SLCO1B3: variants seen among roughly 807,000 people sequenced by gnomAD.
SLCO1B3 encodes solute carrier organic anion transporter family member 1B3, also known as liver-specific organic anion transporter 2.
In SLCO1B3, 72 loss-of-function variants were observed where a neutral mutation model predicts 71.8. That is an observed-to-expected ratio of 1.00 (90% CI 0.83 to 1.22). The LOEUF is 1.22. SLCO1B3 is among the 50% of genes most tolerant of loss of function. The pLI, the probability that SLCO1B3 is intolerant of heterozygous loss-of-function variation, is 0.00. For missense variants in SLCO1B3, 911 were observed against 819.7 expected (o/e 1.11, Z -1.36); for synonymous variants, 298 against 278.4 (o/e 1.07, Z -0.70).
intron 8 of SLCO1B3, among the ~76,000 whole-genome samples, chr12:20,865,044 C>T (rs1023560797): frequency 6.6e-6 from 1 of 151,968 alleles, no homozygotes; most frequent in East Asian, 1.9e-4. Flanking sequence ...ATCCAGGAAC[C>T]AAGATTTTAA....
chr12:20,909,741 C>T (rs568948826), intron 15 of SLCO1B3, among the ~76,000 whole-genome samples: 10 of 152,176 alleles, frequency 6.6e-5, no homozygotes, highest in Admixed American at 2.0e-4. Flanking sequence ...AAATGGATCT[C>T]GCTCTGTTGC....
At chr12:20,824,409 T>C (rs1864380477) in intron 3 of SLCO1B3, among the ~76,000 whole-genome samples, 1 of 152,154 alleles carries the variant, frequency 6.6e-6, no homozygotes, top group African/African-American at 2.4e-5. Context: ...TCTAAATTTA[T>C]CAAAAACTTA....
At chr12:20,897,983 G>A (rs1002314644) in intron 13 of SLCO1B3, among the ~76,000 whole-genome samples, 12 of 152,050 alleles carry the variant, frequency 7.9e-5, no homozygotes, top group Admixed American at 3.3e-4. Context: ...TATAATTTAC[G>A]AATCATATTA....
intron 6 of SLCO1B3, among the ~76,000 whole-genome samples, chr12:20,862,109 A>T (rs1377551441): frequency 6.6e-6 from 1 of 152,170 alleles, no homozygotes; most frequent in Admixed American, 6.5e-5. Flanking sequence ...CCTTAAAAAT[A>T]ACCTGGATTT....
intron 15 of SLCO1B3, chr12:20,901,760 T>C: frequency 3.1e-6 from 1 of 319,068 alleles, no homozygotes; most frequent in Non-Finnish European, 6.0e-6. Flanking sequence ...CTAGGATTTG[T>C]ACTTGAATCT....
At chr12:20,910,914 C>T (rs1866360682) in intron 15 of SLCO1B3, among the ~76,000 whole-genome samples, 1 of 151,660 alleles carries the variant, frequency 6.6e-6, no homozygotes. Flanking sequence ...TTATTCCTTC[C>T]TTTCAATCTG....
Position 20,890,756 on chromosome 12 carries a change from A to G in SLCO1B3, c.1682+7154A>G, listed in dbSNP as rs563117511. Among the ~76,000 whole-genome samples the G allele has an allele frequency of 3.6e-4, 55 of 152,246 alleles. 1 individual carries two copies. The South Asian group carries it at 0.011, about 31-fold the overall frequency. On this transcript the variant is annotated intron_variant, in intron 13 of 15. Coordinates refer to ENST00000381545, the MANE Select transcript of SLCO1B3 (RefSeq NM_019844.4). The stretch of plus-strand genomic sequence containing the variant: ...TATCTTCTTGTTTAATTGATCCTTT[A>G]TATGATAACCTTCTTTGTCATTATT...
intron 3 of SLCO1B3, among the ~76,000 whole-genome samples, chr12:20,823,103 A>T (rs930648244): frequency 6.6e-6 from 1 of 152,282 alleles, no homozygotes; most frequent in South Asian, 2.1e-4. Context: ...AGAGACAAAC[A>T]CACAGTAGAA....
At position 20,862,789 on chromosome 12, in the gene SLCO1B3, T is replaced by G; in HGVS notation, c.662T>G (p.Val221Gly). Residue 221 changes from valine to glycine, a missense_variant, in exon 8 of 16, where the codon GTC becomes GGC. By Grantham distance (109) the Val-to-Gly change is moderately radical. Transcript: ENST00000381545. Reference sequence around the variant, plus strand: ...AATGCAATAGGAATGATTGGTCCAGTCATTGGCTTTGCACTGGGATCTCTG... The same window carrying G: ...AATGCAATAGGAATGATTGGTCCAGGCATTGGCTTTGCACTGGGATCTCTG... ...SLNAIGMIGP[V>G]IGFALGSLFA... The G allele has an allele frequency of 6.2e-7, 1 of 1,612,024 alleles. No homozygotes were observed. The highest frequency in any genetic ancestry group is 8.5e-7 in the Non-Finnish European group (1 of 1,178,250).
intron 5 of SLCO1B3, chr12:20,858,830 A>T: frequency 5.0e-6 from 1 of 200,898 alleles, no homozygotes; most frequent in Non-Finnish European, 1.0e-5. Flanking sequence ...TATGAAATGA[A>T]TATCTTATTT....
At chr12:20,912,854 G>A (rs868455211) in intron 15 of SLCO1B3, among the ~76,000 whole-genome samples, 6 of 117,782 alleles carry the variant, frequency 5.1e-5, no homozygotes, top group Non-Finnish European at 9.5e-5. Context: ...TTGTAGAGAC[G>A]GGGTTTCACC....
intron 13 of SLCO1B3, among the ~76,000 whole-genome samples, chr12:20,887,698 T>TA (rs1317052198): frequency 6.7e-6 from 1 of 149,192 alleles, no homozygotes; most frequent in Non-Finnish European, 1.5e-5. Context: ...TTATTATTAT[T>TA]TTTTTTTTTA....
intron 8 of SLCO1B3, among the ~76,000 whole-genome samples, chr12:20,864,675 C>T (rs1049660610): frequency 5.9e-5 from 9 of 152,074 alleles, no homozygotes; most frequent in African/African-American, 1.7e-4. Context: ...AGTTTTGTAG[C>T]CTCTCTATTC....
chr12:20,901,465 T>C lies in SLCO1B3; in HGVS notation c.1863T>C (p.Phe621=), dbSNP rs748950766. Reference sequence around the variant, plus strand: ...GTAGGATATATAATTCCGTATTTTTTGGGTAAGTTGTCGTAAACACATTTC... The same window carrying C: ...GTAGGATATATAATTCCGTATTTTTCGGGTAAGTTGTCGTAAACACATTTC... ...GACRIYNSVF[F]GRVYLGLSIA... The change falls in exon 15 of 16, where the codon TTT becomes TTC. Residue 621 remains phenylalanine (F), a splice_region_variant and synonymous_variant. Coordinates refer to ENST00000381545, the MANE Select transcript of SLCO1B3 (RefSeq NM_019844.4). The C allele has an allele frequency of 1.3e-6, 2 of 1,502,644 alleles. No homozygotes were observed. Among genetic ancestry groups the C allele is most frequent in the African/African-American group, 2.8e-5 (2 of 70,828 alleles). 93.1% of individuals were successfully genotyped at this position (1,502,644 alleles called of 1,614,324 possible).
chr12:20,834,381 A>ATG (rs1864626249), intron 3 of SLCO1B3, among the ~76,000 whole-genome samples: 1 of 145,692 alleles, frequency 6.9e-6, no homozygotes. Flanking sequence ...ATATATATAT[A>ATG]TAATTATATA....
chr12:20,901,621 A>C (rs902775040), intron 15 of SLCO1B3, among the ~76,000 whole-genome samples, 154 bp downstream of exon 15: 1 of 152,234 alleles, frequency 6.6e-6, no homozygotes, highest in African/African-American at 2.4e-5. Context: ...GCATTCTGGT[A>C]TCTCATTTTA....
At chr12:20,857,786 C>T (rs1416149868) in intron 4 of SLCO1B3, among the ~76,000 whole-genome samples, 2 of 151,954 alleles carry the variant, frequency 1.3e-5, no homozygotes, top group East Asian at 1.9e-4. Flanking sequence ...ATTGTCTGTT[C>T]AATGTTATAT....
rs544062882 is a variant in SLCO1B3, at chr12:20,854,633, C to G, written c.85-395C>G. ...AAAGTTCTATTTTTCAGCTGGCTTC[C>G]TGAAAGTGCTACTCCTGCATGCACT... On this transcript the variant is annotated intron_variant, in intron 3 of 15. Coordinates refer to ENST00000381545, the MANE Select transcript of SLCO1B3 (RefSeq NM_019844.4). Among the ~76,000 whole-genome samples the G allele has an allele frequency of 7.2e-5, 11 of 152,294 alleles. No homozygotes were observed. In the South Asian group the frequency reaches 2.3e-3, roughly 32 times the overall value.
At chr12:20,845,142 C>CATT in intron 3 of SLCO1B3, 1 of 454,908 alleles carries the variant, frequency 2.2e-6, no homozygotes, top group Non-Finnish European at 4.4e-6. Context: ...TAGACTATGT[C>CATT]ATTGAGCTCA....
Sources: allele counts gnomAD v4.1 joint callset (sites outside exome capture counted in the v4.1 genomes callset), GRCh38; gene constraint gnomAD v4.1.1; transcripts MANE v1.5; gene names NCBI Gene and HGNC (gene_info 2026-07-23, HGNC 2026-07-21).